The following AHI1 variants were observed in gnomAD, a reference collection of about 807,000 sequenced individuals.
AHI1 encodes the protein Abelson helper integration site 1.
Under a neutral mutation model 149.3 loss-of-function variants are expected in AHI1, and 123 were observed. The observed-to-expected ratio is 0.82, with a 90% confidence interval of 0.71 to 0.96. The LOEUF is 0.96. AHI1 is among the 40% of genes least tolerant of loss of function. The probability of loss-of-function intolerance (pLI) is 0.00; values close to 1 mark genes in which losing one functional copy is unlikely to be tolerated. For synonymous variants in AHI1, 475 were observed against 459.8 expected, an observed-to-expected ratio of 1.03 and a Z score of -0.42; for missense variants, 1,439 against 1,422.7, an observed-to-expected ratio of 1.01 and a Z score of -0.18.
intron 23 of AHI1, among the ~76,000 whole-genome samples, chr6:135,366,063 C>T (rs2746431): frequency 0.69 from 105,258 of 152,072 alleles, 37,981 homozygotes; most frequent in African/African-American, 0.92. Context: ...GAGATGACCA[C>T]ATGACTTTTA....
chr6:135,368,540 G>C (rs1281856457), intron 23 of AHI1, among the ~76,000 whole-genome samples: 1 of 152,156 alleles, frequency 6.6e-6, no homozygotes, highest in Non-Finnish European at 1.5e-5. Flanking sequence ...AGGTATGTCT[G>C]AACTCAGACT....
chr6:135,420,346 A>G (rs949928525), intron 20 of AHI1, among the ~76,000 whole-genome samples: 2 of 152,170 alleles, frequency 1.3e-5, no homozygotes, highest in Admixed American at 1.3e-4. Flanking sequence ...TTTCTTAAAT[A>G]CTAAGACGTG....
intron 24 of AHI1, among the ~76,000 whole-genome samples, chr6:135,338,562 C>T (rs904492654): frequency 1.1e-4 from 17 of 152,144 alleles, no homozygotes; most frequent in African/African-American, 4.1e-4. Context: ...ATGGGCTCCT[C>T]CAACAATGCA....
At chr6:135,337,583 AC>A (rs1789589382) in intron 24 of AHI1, among the ~76,000 whole-genome samples, 1 of 151,534 alleles carries the variant, frequency 6.6e-6, no homozygotes, top group Non-Finnish European at 1.5e-5. Flanking sequence ...ACAAAGTGAG[AC>A]CCCTATCTCT....
intron 20 of AHI1, among the ~76,000 whole-genome samples, chr6:135,414,444 CT>C (rs1782051064): frequency 6.6e-6 from 1 of 152,132 alleles, no homozygotes; most frequent in Non-Finnish European, 1.5e-5. Context: ...ATAATTTGAA[CT>C]TCATCAAAAT....
At chr6:135,364,909 GAGAGGAAGAGGA>G (rs1032402304) in intron 23 of AHI1, among the ~76,000 whole-genome samples, 2 of 149,924 alleles carry the variant, frequency 1.3e-5, no homozygotes, top group Admixed American at 6.7e-5. Flanking sequence ...AGACCGTGGG[GAGAGGAAGAGGA>G]AGAGGGAGAG....
At chr6:135,363,936 C>T (rs1300363427) in intron 23 of AHI1, among the ~76,000 whole-genome samples, 15 of 134,052 alleles carry the variant, frequency 1.1e-4, no homozygotes, top group South Asian at 2.4e-4. Context: ...GCTGGCCGGG[C>T]GGGGGGCTGA....
intron 21 of AHI1, among the ~76,000 whole-genome samples, chr6:135,406,145 G>A (rs1201188488): frequency 6.6e-6 from 1 of 152,192 alleles, no homozygotes; most frequent in Non-Finnish European, 1.5e-5. Context: ...AAAGCATTCT[G>A]CAACCTAGGT....
chr6:135,300,856 T>G, intron 26 of AHI1: 1 of 1,082,584 alleles, frequency 9.2e-7, no homozygotes, highest in Non-Finnish European at 1.1e-6. Context: ...TCAGTTTAAA[T>G]TAATCTCCCA....
intron 5 of AHI1, among the ~76,000 whole-genome samples, chr6:135,477,072 G>T (rs187043322): frequency 6.8e-6 from 1 of 146,400 alleles, no homozygotes; most frequent in East Asian, 2.0e-4. Context: ...ACAGAGTCTC[G>T]CTCTGTCACC....
intron 28 of AHI1, among the ~76,000 whole-genome samples, chr6:135,286,105 G>A (rs745958881): frequency 1.3e-4 from 20 of 152,292 alleles, no homozygotes; most frequent in Admixed American, 1.3e-4. Flanking sequence ...TTTAGTCTAT[G>A]GCTATGCCTA....
At chr6:135,405,145 T>TAATG (rs1362944822) in intron 21 of AHI1, among the ~76,000 whole-genome samples, 168 bp from the exon 22 acceptor site, 78 of 152,190 alleles carry the variant, frequency 5.1e-4, no homozygotes, top group Admixed American at 2.0e-4. Context: ...GAAAGAGACT[T>TAATG]AATGACATGT....
At chr6:135,397,669 G>T (rs1779412073) in intron 22 of AHI1, among the ~76,000 whole-genome samples, 1 of 152,022 alleles carries the variant, frequency 6.6e-6, no homozygotes, top group African/African-American at 2.4e-5. Flanking sequence ...CTCTGAACAT[G>T]AAATTGAATG....
Position 135,448,456 on chromosome 6 carries a change from T to C in AHI1, c.1460A>G (p.Asn487Ser), listed in dbSNP as rs1787582558. Reference sequence around the variant, plus strand: ...GCGAAGTTTTGAGTTGATGTTTGCATTTCCATTGGCTCCCAGAAGCTTAAA... The same window carrying C: ...GCGAAGTTTTGAGTTGATGTTTGCACTTCCATTGGCTCCCAGAAGCTTAAA... Reference protein sequence around the residue: ...AFLKLLGANGNANINSKLRLQ... With the variant: ...AFLKLLGANGSANINSKLRLQ... The change falls in exon 12 of 29, where the codon AAT becomes AGT. Residue 487 changes from asparagine to serine, a missense_variant. Physicochemically the swap from Asn to Ser is conservative, Grantham distance 46 (BLOSUM62 1). Coordinates refer to ENST00000265602, the MANE Select transcript of AHI1 (RefSeq NM_001134831.2). 1 of 1,533,816 alleles carries C rather than the reference T, an allele frequency of 6.5e-7. No homozygotes were observed. The highest frequency in any genetic ancestry group is 8.9e-7 in the Non-Finnish European group (1 of 1,125,676).
At chr6:135,449,095 G>T (rs1404905896) in intron 11 of AHI1, among the ~76,000 whole-genome samples, 2 of 152,024 alleles carry the variant, frequency 1.3e-5, no homozygotes, top group African/African-American at 4.8e-5. Context: ...TATCCAGGCC[G>T]GAGTGCAGTG....
intron 23 of AHI1, among the ~76,000 whole-genome samples, chr6:135,360,614 C>T (rs1450093321): frequency 6.6e-6 from 1 of 151,950 alleles, no homozygotes; most frequent in Admixed American, 6.6e-5. Context: ...TCTGGAGAAC[C>T]CTGACTAGTA....
intron 8 of AHI1, 109 bp downstream of exon 8, chr6:135,463,016 A>G: frequency 1.3e-6 from 1 of 782,612 alleles, no homozygotes; most frequent in East Asian, 2.7e-5. Context: ...CAAATATCCT[A>G]TATTGAATTA....
intron 24 of AHI1, among the ~76,000 whole-genome samples, chr6:135,354,929 C>CT (rs1792725301): frequency 6.6e-6 from 1 of 152,156 alleles, no homozygotes. Context: ...GAGCAGGCCA[C>CT]ATAGGTTCCT....
chr6:135,485,677 T>C (rs545007733), intron 5 of AHI1, among the ~76,000 whole-genome samples: 1 of 152,366 alleles, frequency 6.6e-6, no homozygotes, highest in East Asian at 1.9e-4. Flanking sequence ...TTCTCCAATA[T>C]TTTCTTATTG....
Sources: allele counts gnomAD v4.1 joint callset (sites outside exome capture counted in the v4.1 genomes callset), GRCh38; gene constraint gnomAD v4.1.1; transcripts MANE v1.5; gene names NCBI Gene and HGNC (gene_info 2026-07-23, HGNC 2026-07-21).